Variants in SLC30A5 observed in about 807,000 individuals in gnomAD.
SLC30A5 encodes proton-coupled zinc antiporter SLC30A5.
Under a neutral mutation model 79.6 loss-of-function variants are expected in SLC30A5, and 33 were observed. The observed-to-expected ratio is 0.41, with a 90% CI of 0.31 to 0.55. The LOEUF is 0.55. Among genes scored for constraint, SLC30A5 ranks in the 20% least tolerant of loss-of-function variants. SLC30A5 has a pLI of 0.20. For synonymous variants in SLC30A5, 299 were observed against 319.7 expected, an observed-to-expected ratio of 0.94 and a Z score of 0.69; for missense variants, 788 against 928.1, an observed-to-expected ratio of 0.85 and a Z score of 1.96.
In SLC30A5 at chr5:69,116,558, G is replaced by C; in HGVS notation, c.1237G>C (p.Glu413Gln). 6.2e-7 allele frequency: 1 copy of C among 1,609,566 alleles called. No individual in the cohort carries two copies. The highest frequency in any genetic ancestry group is 8.5e-7 in the Non-Finnish European group (1 of 1,178,702). The part of the protein sequence containing the change: ...IKESLKQILE[E>Q]SDSRQIFYFL... The stretch of plus-strand genomic sequence containing the variant: ...GGAATCACTAAAACAAATTCTTGAG[G>C]AGAGTGACTCTAGGCAGATCTTTTA... Residue 413 changes from glutamate (E) to glutamine (Q), a missense_variant, in exon 10 of 16, where the codon GAG (glutamate) becomes CAG (glutamine). Around this residue, in one of 3 missense-constraint regions of SLC30A5, gnomAD observed 626 missense variants for 755.5 expected, o/e 0.83. Transcript: ENST00000396591. This position sits in a 1 kb window ranked among gnomAD's most constrained non-coding sequence, Gnocchi z 4.0.
chr5:69,109,535 A>T (rs1746173967), intron 5 of SLC30A5, among the ~76,000 whole-genome samples: 2 of 152,132 alleles, frequency 1.3e-5, no homozygotes, highest in Admixed American at 1.3e-4. Flanking sequence ...CTGATGCATC[A>T]CCACAATGAT....
chr5:69,121,578 T>G lies in SLC30A5; in HGVS notation c.1570-116T>G, dbSNP rs1267670727. ...TTACTGAAACTTAGTAAGGTTTTAC[T>G]GTGAATACTTTCAAAACTGTAAACA... is the stretch of plus-strand genomic sequence containing the variant. On this transcript the variant is annotated intron_variant, in intron 12 of 15. Coordinates refer to ENST00000396591, the MANE Select transcript of SLC30A5 (RefSeq NM_022902.5). The G allele has an allele frequency of 4.2e-6, 3 of 709,172 alleles. No individual in the cohort carries two copies. In the African/African-American group the frequency reaches 5.4e-5, roughly 13 times the overall value. The allele number at this position is 709,172 out of a possible 1,614,324, so 43.9% of individuals were successfully genotyped here. A position where few individuals can be genotyped will look rare whatever the true frequency, so the allele number is the denominator to read the frequency against.
At chr5:69,122,253 C>T (rs545700908) in intron 13 of SLC30A5, among the ~76,000 whole-genome samples, 15 of 152,110 alleles carry the variant, frequency 9.9e-5, no homozygotes, top group African/African-American at 3.4e-4. Flanking sequence ...AAAAATTAGC[C>T]GGACATGGTG....
chr5:69,127,331 T>C (rs1746724246), intron 14 of SLC30A5, among the ~76,000 whole-genome samples: 1 of 152,004 alleles, frequency 6.6e-6, no homozygotes, highest in South Asian at 2.1e-4. Context: ...ATTTTAGGTA[T>C]AAAGATAACT....
In SLC30A5 at chr5:69,117,734, G is replaced by A. The variant is rs747093726; in HGVS notation, c.1439+338G>A. Among the ~76,000 whole-genome samples the A allele has an allele frequency of 6.6e-5, 10 of 151,884 alleles. No individual in the cohort carries two copies. The East Asian group carries it at 1.4e-3, about 21-fold the overall frequency. On this transcript the variant is annotated intron_variant, in intron 11 of 15. Transcript: ENST00000396591. ...TCTACTAAAAATACAAAAATTAGCCGGGTATGGTGGCACGCACCTGTAGCC... is the reference window on the plus strand; with the variant it reads ...TCTACTAAAAATACAAAAATTAGCCAGGTATGGTGGCACGCACCTGTAGCC...
Position 69,116,813 on chromosome 5 carries a change from CA to C in SLC30A5, c.1281+214del, listed in dbSNP as rs906867614. 1.3e-5 allele frequency among the ~76,000 whole-genome samples: 2 copies of C among 152,080 alleles called. No homozygotes were observed. The highest frequency in any genetic ancestry group is 4.8e-5 in the African/African-American group (2 of 41,436). ...GTGCCACCGTGCCCAGCCACTTAAGCAAACAATTTGTGAGGCATTTTAGAAG... is the reference window on the plus strand; with the variant it reads ...GTGCCACCGTGCCCAGCCACTTAAGCAACAATTTGTGAGGCATTTTAGAAG... On this transcript the variant is annotated intron_variant, in intron 10 of 15. Coordinates refer to ENST00000396591, the MANE Select transcript of SLC30A5 (RefSeq NM_022902.5). This position sits in a 1 kb window ranked among gnomAD's most constrained non-coding sequence, Gnocchi z 4.0.
intron 5 of SLC30A5, among the ~76,000 whole-genome samples, chr5:69,109,720 CT>C (rs1258358410): frequency 1.3e-5 from 2 of 152,168 alleles, no homozygotes; most frequent in Non-Finnish European, 2.9e-5. Flanking sequence ...AAGTATTATC[CT>C]TTTGTTAAAT....
intron 4 of SLC30A5, 138 bp from the exon 5 acceptor site, chr5:69,108,211 A>T (rs1746138377): frequency 3.1e-6 from 2 of 654,714 alleles, no homozygotes; most frequent in Non-Finnish European, 5.2e-6. Flanking sequence ...CATTTTCTAA[A>T]GCAGTTGTAC....
chr5:69,120,495 T>C (rs1018630090), intron 12 of SLC30A5, among the ~76,000 whole-genome samples: 5 of 152,222 alleles, frequency 3.3e-5, no homozygotes, highest in Non-Finnish European at 7.3e-5. Context: ...ATTTTAAGCG[T>C]GACTAACCCT....
chr5:69,118,523 T>C lies in SLC30A5; in HGVS notation c.1464T>C (p.Ser488=). 1 of 1,601,190 alleles carries C rather than the reference T, an allele frequency of 6.2e-7. No homozygotes were observed. Residue 488 remains serine (S), a synonymous_variant, in exon 12 of 16, where the codon TCT becomes TCC. Transcript: ENST00000396591. ...SYGYGRIEIL[S]GFINGLFLIV... ...GGTACGGCCGAATAGAAATTCTGTC[T>C]GGATTTATTAATGGACTTTTTCTAA...
chr5:69,111,889 C>T (rs164396), intron 5 of SLC30A5, among the ~76,000 whole-genome samples: 57,813 of 151,944 alleles, frequency 0.38, 11,541 homozygotes, highest in East Asian at 0.53. Context: ...TTGTATTATA[C>T]TTCCATTATA....
At chr5:69,113,870 T>C (rs1385369335) in intron 6 of SLC30A5, among the ~76,000 whole-genome samples, 1 of 152,236 alleles carries the variant, frequency 6.6e-6, no homozygotes, top group Non-Finnish European at 1.5e-5. Context: ...ATTTTCTTTG[T>C]TACAGTGAGG....
At chr5:69,114,547 CAACTAT>C in intron 7 of SLC30A5, 51 bp downstream of exon 7, 1 of 1,088,308 alleles carries the variant, frequency 9.2e-7, no homozygotes, top group Non-Finnish European at 1.4e-6. Context: ...AAAGTTGTAG[CAACTAT>C]AACTATAAAG....
chr5:69,101,008 C>G, intron 2 of SLC30A5, 79 bp downstream of exon 2: 4 of 1,348,902 alleles, frequency 3.0e-6, no homozygotes, highest in Non-Finnish European at 4.0e-6. Flanking sequence ...CTTTAAGAAA[C>G]TTTACATACA....
At chr5:69,097,059 C>G (rs1745757521) in intron 1 of SLC30A5, among the ~76,000 whole-genome samples, 2 of 149,248 alleles carry the variant, frequency 1.3e-5, no homozygotes, top group Admixed American at 1.3e-4. Flanking sequence ...AAACAGAACA[C>G]AAAAAACACC....
intron 1 of SLC30A5, among the ~76,000 whole-genome samples, chr5:69,098,134 T>TC (rs947517808): frequency 5.9e-5 from 9 of 151,828 alleles, no homozygotes; most frequent in African/African-American, 1.9e-4. Context: ...GCCTGGCCCA[T>TC]CCCCCCACAC....
At chr5:69,097,313 C>T (rs539820357) in intron 1 of SLC30A5, among the ~76,000 whole-genome samples, 3 of 152,184 alleles carry the variant, frequency 2.0e-5, no homozygotes, top group Non-Finnish European at 2.9e-5. Context: ...GACGGGGTTT[C>T]ACCGTGTTAG....
intron 4 of SLC30A5, among the ~76,000 whole-genome samples, chr5:69,107,212 G>A (rs1156809713): frequency 6.6e-6 from 1 of 152,036 alleles, no homozygotes; most frequent in Non-Finnish European, 1.5e-5. Flanking sequence ...TACCTACACA[G>A]GGTCAGGATT....
rs1374736176 is a variant in SLC30A5, at chr5:69,129,484, T to C, written c.2165T>C (p.Leu722Ser). The change falls in exon 16 of 16, where the codon TTA (leucine) becomes TCA (serine). Residue 722 changes from leucine to serine, a missense_variant. Transcript: ENST00000396591. ...GILKDAGVNN[L>S]TIQVEKEAYF... is the part of the protein sequence containing the mutation. ...CTTAAAGATGCTGGAGTAAACAATTTAACAATTCAAGTGGAAAAGGAGGCA... is the reference window on the plus strand; with the variant it reads ...CTTAAAGATGCTGGAGTAAACAATTCAACAATTCAAGTGGAAAAGGAGGCA... 1 of 1,613,128 alleles carries C rather than the reference T, an allele frequency of 6.2e-7. No homozygotes were observed. Among genetic ancestry groups the C allele is most frequent in the South Asian group, 1.1e-5 (1 of 90,978 alleles).
Sources: gnomAD v4.1 joint callset for allele counts (sites outside exome capture counted in the v4.1 genomes callset) on GRCh38, gnomAD v4.1.1 for gene constraint, gnomAD v4.1.1 regional missense constraint, Gnocchi (gnomAD v3.1) non-coding constraint, MANE v1.5 for transcripts, NCBI Gene and HGNC (gene_info 2026-07-23, HGNC 2026-07-21) for gene names.